Variants in TMF1 observed in about 807,000 individuals in gnomAD.
The protein encoded by TMF1 is TATA element modulatory factor 1.
A neutral mutation model predicts 126.5 loss-of-function variants in TMF1; 71 were observed. That is an observed-to-expected ratio of 0.56 (90% CI 0.46 to 0.68). The LOEUF is 0.68. TMF1 is among the 30% of genes least tolerant of loss of function. TMF1 has a pLI of 0.00. For missense variants in TMF1, 1,259 were observed against 1,253.2 expected, an observed-to-expected ratio of 1.00 and a Z score of -0.07; for synonymous variants, 461 against 430.5, an observed-to-expected ratio of 1.07 and a Z score of -0.88.
Position 69,033,635 on chromosome 3 carries a change from G to A in TMF1, c.2314C>T (p.Leu772Phe). The change falls in exon 10 of 17, where the codon CTT becomes TTT. Residue 772 changes from leucine to phenylalanine, a missense_variant. Transcript: ENST00000398559. ...QSVSSTTRPLLRQIENLQATL... is the reference protein window; with the variant it reads ...QSVSSTTRPLFRQIENLQATL... ...GCTTGCAAATTTTCTATTTGTCGAA[G>A]CAATGGTCTTGTTGTTGATGAAACA... 2 of 1,614,034 alleles carry A rather than the reference G, an allele frequency of 1.2e-6. No individual in the cohort carries two copies. Among genetic ancestry groups the A allele is most frequent in the Non-Finnish European group, 1.7e-6 (2 of 1,180,004 alleles).
intron 10 of TMF1, among the ~76,000 whole-genome samples, chr3:69,031,628 C>G (rs6801855): frequency 6.6e-6 from 1 of 152,344 alleles, no homozygotes; most frequent in South Asian, 2.1e-4. Context: ...ATTATATCAA[C>G]AAAAATTTTC....
In TMF1 at chr3:69,047,369, C is replaced by T. The variant is rs748334862; in HGVS notation, c.1336G>A (p.Asp446Asn). 6.3e-7 allele frequency: 1 copy of T among 1,587,646 alleles called. No homozygotes were observed. The highest frequency in any genetic ancestry group is 8.6e-7 in the Non-Finnish European group (1 of 1,164,848). Residue 446 changes from aspartate to asparagine, a missense_variant, in exon 2 of 17, where the codon GAT becomes AAT. Physicochemically the swap from Asp to Asn is conservative, Grantham distance 23. Coordinates refer to ENST00000398559, the MANE Select transcript of TMF1 (RefSeq NM_007114.3). ...SQPEALSEKE[D>N]VCKTVEFLNE... is the part of the protein sequence containing the mutation. ...CTTACTAGAGTTACCTTGCAAACAT[C>T]TTCCTTCTCAGAAAGTGCTTCTGGC... is the stretch of plus-strand genomic sequence containing the variant.
At chr3:69,041,899 AAG>A (rs530851773) in intron 5 of TMF1, among the ~76,000 whole-genome samples, 3 of 152,170 alleles carry the variant, frequency 2.0e-5, no homozygotes, top group East Asian at 1.9e-4. Context: ...GAGAAATAAA[AAG>A]AGAGATTCAC....
In TMF1 at chr3:69,051,982, C is replaced by G. The variant is rs765337517; in HGVS notation, c.105G>C (p.Pro35=). The stretch of plus-strand genomic sequence containing the variant: ...ACGGAATGGTCTCGGCCCAGATGCT[C>G]GGCTCCTCTTCCTGGATGTCCAGAA... The part of the protein sequence containing the change: ...DRVLDIQEEE[P]SIWAETIPYG... The change falls in exon 1 of 17, where the codon CCG becomes CCC. Residue 35 remains proline, a synonymous_variant. Coordinates refer to ENST00000398559, the MANE Select transcript of TMF1 (RefSeq NM_007114.3). 20 of 1,613,996 alleles carry G rather than the reference C, an allele frequency of 1.2e-5. No individual in the cohort carries two copies. Among genetic ancestry groups the G allele is most frequent in the Non-Finnish European group, 1.5e-5 (18 of 1,179,954 alleles).
Position 69,030,024 on chromosome 3 carries a change from A to C in TMF1, c.2402-17T>G. The C allele has an allele frequency of 1.3e-6, 2 of 1,591,346 alleles. No individual in the cohort carries two copies. Among genetic ancestry groups the C allele is most frequent in the South Asian group, 2.3e-5 (2 of 87,674 alleles). On this transcript the variant is annotated splice_polypyrimidine_tract_variant and intron_variant, in intron 10 of 16. Coordinates refer to ENST00000398559, the MANE Select transcript of TMF1 (RefSeq NM_007114.3). ...GGGATTCACCTGATTACAGGACAGA[A>C]AAAAAAATCACATACACATACAGCC...
Position 69,021,656 on chromosome 3 carries a change from A to C in TMF1, c.*1521T>G, listed in dbSNP as rs1424119984. On this transcript the variant is annotated 3_prime_UTR_variant, in exon 17 of 17. Coordinates refer to ENST00000398559, the MANE Select transcript of TMF1 (RefSeq NM_007114.3). ...CTATATTCTGAAGTACTAGTGTTTT[A>C]ATTTTAACTAAAAATTAAATAAGAG... is the stretch of plus-strand genomic sequence containing the variant. The C allele has an allele frequency of 6.6e-6, 1 of 151,994 alleles. No individual in the cohort carries two copies. The highest frequency in any genetic ancestry group is 6.6e-5 in the Admixed American group (1 of 15,238). 9.4% of individuals were successfully genotyped at this position (151,994 alleles called of 1,614,324 possible). A position where few individuals can be genotyped will look rare whatever the true frequency, so the allele number is the denominator to read the frequency against.
intron 2 of TMF1, 117 bp downstream of exon 2, chr3:69,047,241 A>C: frequency 8.0e-7 from 1 of 1,254,388 alleles, no homozygotes; most frequent in Non-Finnish European, 1.1e-6. Context: ...AAATGGCAAA[A>C]TGCGTATGTT....
chr3:69,039,755 T>G, intron 5 of TMF1, 62 bp from the exon 6 acceptor site: 3 of 1,520,868 alleles, frequency 2.0e-6, no homozygotes, highest in Non-Finnish European at 8.8e-7. Context: ...CTCAATAGAA[T>G]GTTTTATCTA....
rs767822466 is a variant in TMF1 at position 69,047,835 on chromosome 3, C to G, written c.870G>C (p.Gln290His). 1 of 1,613,940 alleles carries G rather than the reference C, an allele frequency of 6.2e-7. No individual in the cohort carries two copies. Among genetic ancestry groups the G allele is most frequent in the Non-Finnish European group, 8.5e-7 (1 of 1,180,036 alleles). ...TDSKSSLHLM[Q>H]TSFQLLSASA... The stretch of plus-strand genomic sequence containing the variant: ...ATGCAGAGAGAAGCTGAAAAGATGT[C>G]TGCATCAAGTGAAGACTTGATTTTG... The change falls in exon 2 of 17, where the codon CAG becomes CAC. Residue 290 changes from glutamine to histidine, a missense_variant. Transcript: ENST00000398559.
At position 69,024,172 on chromosome 3, in the gene TMF1, A is replaced by C. The variant is rs1427153869; in HGVS notation, c.3021T>G (p.Ile1007Met). The C allele has an allele frequency of 6.2e-7, 1 of 1,603,672 alleles. No homozygotes were observed. Among genetic ancestry groups the C allele is most frequent in the Non-Finnish European group, 8.5e-7 (1 of 1,176,290 alleles). Residue 1007 changes from isoleucine to methionine, a missense_variant, in exon 16 of 17, where the codon ATT (isoleucine) becomes ATG (methionine). Transcript: ENST00000398559. The part of the protein sequence containing the change: ...EGEITHLQLE[I>M]GNLEKTRSIM... ...TTGATCGAGTTTTTTCTAGATTGCC[A>C]ATTTCTAGCTGAGAAGCATTACCAC...
At chr3:69,026,920 G>A (rs781381447) in intron 13 of TMF1, among the ~76,000 whole-genome samples, 28 of 151,808 alleles carry the variant, frequency 1.8e-4, no homozygotes, top group Non-Finnish European at 3.4e-4. Flanking sequence ...TTTACCTATC[G>A]GTAGTTTAAA....
chr3:69,041,997 T>C (rs1219930336), intron 5 of TMF1, among the ~76,000 whole-genome samples: 8 of 152,156 alleles, frequency 5.3e-5, no homozygotes, highest in African/African-American at 1.9e-4. Context: ...ATTTATTTCA[T>C]GAATAGATCT....
intron 13 of TMF1, among the ~76,000 whole-genome samples, chr3:69,026,636 A>T (rs750250286): frequency 6.6e-6 from 1 of 151,120 alleles, no homozygotes; most frequent in Non-Finnish European, 1.5e-5. Context: ...CAAACAAACA[A>T]AAAAAAAGTA....
intron 1 of TMF1, among the ~76,000 whole-genome samples, chr3:69,050,767 G>A (rs911171109): frequency 5.9e-5 from 9 of 152,124 alleles, no homozygotes; most frequent in African/African-American, 2.2e-4. Context: ...TCAAATTTAG[G>A]TCCTGACTTT....
At chr3:69,039,084 T>G (rs1404839706) in intron 6 of TMF1, 75 bp from the exon 7 acceptor site, 1 of 1,144,358 alleles carries the variant, frequency 8.7e-7, no homozygotes, top group East Asian at 2.6e-5. Flanking sequence ...TCCAGGAATC[T>G]ATAATAATGG....
At chr3:69,033,320 T>TA (rs1253865487) in intron 10 of TMF1, among the ~76,000 whole-genome samples, 1 of 149,288 alleles carries the variant, frequency 6.7e-6, no homozygotes, top group Non-Finnish European at 1.5e-5. Context: ...GACATGGAAG[T>TA]ACTTTAGCCA....
chr3:69,028,130 T>G (rs2091780313), intron 12 of TMF1, 96 bp downstream of exon 12: 4 of 1,184,664 alleles, frequency 3.4e-6, no homozygotes, highest in Non-Finnish European at 3.7e-6. Context: ...AGCAGTGGCA[T>G]CACCCATTTC....
At chr3:69,025,472 G>T in intron 15 of TMF1, 88 bp downstream of exon 15, 2 of 1,279,784 alleles carry the variant, frequency 1.6e-6, no homozygotes, top group Non-Finnish European at 2.2e-6. Context: ...TTCTCAATTT[G>T]CTCAGAATTC....
intron 10 of TMF1, among the ~76,000 whole-genome samples, chr3:69,033,297 T>TGAATG (rs2091814256): frequency 6.9e-6 from 1 of 144,798 alleles, no homozygotes; most frequent in Non-Finnish European, 1.5e-5. Context: ...AAAAAAGAAC[T>TGAATG]GAATGAAAGA....
Sources: allele counts gnomAD v4.1 joint callset (sites outside exome capture counted in the v4.1 genomes callset), GRCh38; gene constraint gnomAD v4.1.1; transcripts MANE v1.5; gene names NCBI Gene and HGNC (gene_info 2026-07-23, HGNC 2026-07-21).